EIF5B: variants seen among roughly 807,000 people sequenced by gnomAD.
EIF5B encodes the protein eukaryotic translation initiation factor 5B.
EIF5B carries 47 observed loss-of-function variants against 147.5 expected under a neutral mutation model. The ratio of observed to expected loss-of-function variants is 0.32; its 90% CI spans 0.25 to 0.41. The LOEUF is 0.41. EIF5B is among the 10% of genes least tolerant of loss of function. The pLI, the probability that EIF5B is intolerant of heterozygous loss-of-function variation, is 1.00. For synonymous variants in EIF5B, 455 were observed against 456.2 expected, an observed-to-expected ratio of 1.00 and a Z score of 0.03; for missense variants, 1,064 against 1,413.2, an observed-to-expected ratio of 0.75 and a Z score of 3.96.
At chr2:99,384,176 G>T (rs1674749991) in intron 14 of EIF5B, among the ~76,000 whole-genome samples, 1 of 124,598 alleles carries the variant, frequency 8.0e-6, no homozygotes, top group South Asian at 2.5e-4. Flanking sequence ...CAGCCTGGGT[G>T]ACAGAGCGAG....
At chr2:99,351,811 C>T (rs72956317) in intron 1 of EIF5B, among the ~76,000 whole-genome samples, 22,363 of 152,052 alleles carry the variant, frequency 0.15, 1,803 homozygotes, top group East Asian at 0.26. Flanking sequence ...AATTCTCTTG[C>T]CTCAGCCTCC....
intron 9 of EIF5B, among the ~76,000 whole-genome samples, chr2:99,375,981 A>T (rs753919697): frequency 5.1e-4 from 78 of 152,344 alleles, no homozygotes; most frequent in Non-Finnish European, 2.5e-4. Context: ...CAAATATTCC[A>T]AATTTTAAAA....
chr2:99,358,553 G>T (rs1674141921), intron 1 of EIF5B, among the ~76,000 whole-genome samples: 1 of 152,110 alleles, frequency 6.6e-6, no homozygotes. Context: ...ACAATCACCT[G>T]GAAATATTGT....
Position 99,399,259 on chromosome 2 carries a change from C to T in EIF5B, c.3556-48C>T, listed in dbSNP as rs774000851. 15 of 1,569,480 alleles carry T rather than the reference C, an allele frequency of 9.6e-6. No individual in the cohort carries two copies. In the East Asian group the frequency reaches 3.2e-4, roughly 33 times the overall value. On this transcript the variant is annotated intron_variant, in intron 23 of 23. Coordinates refer to ENST00000289371, the MANE Select transcript of EIF5B (RefSeq NM_015904.4). ...CATCTGGGGCCACAGCTTTCTTTGGCACGTTTGTTATGTTCTGTTTACCCT... is the reference window on the plus strand; with the variant it reads ...CATCTGGGGCCACAGCTTTCTTTGGTACGTTTGTTATGTTCTGTTTACCCT...
At position 99,355,491 on chromosome 2, in the gene EIF5B, A is replaced by G. The variant is rs1674075370; in HGVS notation, c.36-4745A>G. Among the ~76,000 whole-genome samples, 3 of 151,854 alleles carry G rather than the reference A, an allele frequency of 2.0e-5. No individual in the cohort carries two copies. The South Asian group carries it at 6.2e-4, about 31-fold the overall frequency. On this transcript the variant is annotated intron_variant, in intron 1 of 23. Coordinates refer to ENST00000289371, the MANE Select transcript of EIF5B (RefSeq NM_015904.4). ...ATAAGCATTTTGTAATTTTCCACAT[A>G]TAAGTACTTTACATATTTTGTTAGA...
chr2:99,394,695 C>G (rs1675008124), intron 20 of EIF5B, 24 bp from the exon 21 acceptor site: 4 of 1,610,356 alleles, frequency 2.5e-6, no homozygotes, highest in Non-Finnish European at 3.4e-6. Flanking sequence ...ACTGAATGGT[C>G]TTTGATGTGT....
rs755667836 is a variant in EIF5B at position 99,341,262 on chromosome 2, C to T, written c.35+3673C>T. ...TACTTGCATATATTTGAATGAAACT[C>T]TTGTCTGCATAAATTACATCAAAAA... On this transcript the variant is annotated intron_variant, in intron 1 of 23. Transcript: ENST00000289371. 2.0e-5 allele frequency among the ~76,000 whole-genome samples: 3 copies of T among 152,152 alleles called. No individual in the cohort carries two copies. In the South Asian group the frequency reaches 6.2e-4, roughly 31 times the overall value.
chr2:99,394,035 A>C lies in EIF5B; in HGVS notation c.2881-232A>C, dbSNP rs931364759. On this transcript the variant is annotated intron_variant, in intron 18 of 23. Transcript: ENST00000289371. ...TTGCCAAGTGGAGCGGAGATTAAAC[A>C]TATTTCAAAGTTAGTAAACCTAAGA... 2.6e-5 allele frequency among the ~76,000 whole-genome samples: 4 copies of C among 152,212 alleles called. No individual in the cohort carries two copies. In the East Asian group the frequency reaches 5.8e-4, roughly 22 times the overall value.
At chr2:99,396,199 G>A (rs991048790) in intron 21 of EIF5B, among the ~76,000 whole-genome samples, 6 of 152,192 alleles carry the variant, frequency 3.9e-5, no homozygotes, top group Non-Finnish European at 8.8e-5. Flanking sequence ...CCTGAAGTGA[G>A]AAGAATTCTA....
intron 7 of EIF5B, among the ~76,000 whole-genome samples, chr2:99,369,027 C>T (rs550911759): frequency 2.5e-4 from 38 of 152,328 alleles, no homozygotes; most frequent in African/African-American, 9.1e-4. Context: ...AATCCCAGCA[C>T]GCTGGGAGGC....
chr2:99,389,909 T>C, intron 15 of EIF5B, 60 bp downstream of exon 15: 1 of 1,519,878 alleles, frequency 6.6e-7, no homozygotes, highest in East Asian at 2.3e-5. Context: ...ATATTATCTT[T>C]ATAATGAAGT....
intron 1 of EIF5B, among the ~76,000 whole-genome samples, chr2:99,353,507 T>C (rs1674025611): frequency 6.6e-6 from 1 of 152,252 alleles, no homozygotes; most frequent in South Asian, 2.1e-4. Flanking sequence ...TATTCAGGTT[T>C]GCCGAGTTTC....
At position 99,366,146 on chromosome 2, in the gene EIF5B, C is replaced by A. The variant is rs183683107; in HGVS notation, c.1288+1725C>A. 3.5e-4 allele frequency among the ~76,000 whole-genome samples: 53 copies of A among 152,250 alleles called. No homozygotes were observed. The East Asian group carries it at 9.6e-3, about 28-fold the overall frequency. ...TAATTTGTAATAAACTCATTTCAGG[C>A]AAAGAGCTTCTTCAAGAACTTGATT... On this transcript the variant is annotated intron_variant, in intron 6 of 23. Coordinates refer to ENST00000289371, the MANE Select transcript of EIF5B (RefSeq NM_015904.4).
intron 14 of EIF5B, 171 bp from the exon 15 acceptor site, chr2:99,389,547 G>A (rs1574939891): frequency 4.5e-6 from 2 of 446,898 alleles, no homozygotes; most frequent in Non-Finnish European, 7.6e-6. Context: ...TAATTTAAGA[G>A]CAGGTGCCGA....
In EIF5B at chr2:99,371,784, G is replaced by T. The variant is rs557736264; in HGVS notation, c.1552+54G>T. The T allele has an allele frequency of 6.8e-6, 10 of 1,465,840 alleles. No individual in the cohort carries two copies. The African/African-American group carries it at 1.4e-4, about 21-fold the overall frequency. 90.8% of individuals were successfully genotyped at this position (1,465,840 alleles called of 1,614,324 possible). A position where few individuals can be genotyped will look rare whatever the true frequency, so the allele number is the denominator to read the frequency against. On this transcript the variant is annotated intron_variant, in intron 9 of 23. Transcript: ENST00000289371. ...CATCCAGTGGTTATTAGAAATGAAT[G>T]ATATATATTTAAATGAATAGTCTTT...
At position 99,390,249 on chromosome 2, in the gene EIF5B, A is replaced by G; in HGVS notation, c.2434A>G (p.Lys812Glu). ...GAATGCTGCTTTGTTTTATGAGAATAAAGATCCCCGCACTTTTGTGTCTTT... is the reference window on the plus strand; with the variant it reads ...GAATGCTGCTTTGTTTTATGAGAATGAAGATCCCCGCACTTTTGTGTCTTT... The part of the protein sequence containing the change: ...GLNAALFYEN[K>E]DPRTFVSLVP... The change falls in exon 16 of 24, where the codon AAA (lysine) becomes GAA (glutamate). Residue 812 changes from lysine (K) to glutamate (E), a missense_variant. Lys to Glu is a moderately conservative substitution (Grantham distance 56, BLOSUM62 1). Coordinates refer to ENST00000289371, the MANE Select transcript of EIF5B (RefSeq NM_015904.4). 2 of 1,614,060 alleles carry G rather than the reference A, an allele frequency of 1.2e-6. No individual in the cohort carries two copies. Among genetic ancestry groups the G allele is most frequent in the Non-Finnish European group, 1.7e-6 (2 of 1,179,992 alleles).
At chr2:99,392,508 C>T (rs1003314303) in intron 17 of EIF5B, among the ~76,000 whole-genome samples, 1 of 152,186 alleles carries the variant, frequency 6.6e-6, no homozygotes, top group Non-Finnish European at 1.5e-5. Context: ...CATTGTTTTA[C>T]AGCTTCATCA....
Position 99,382,137 on chromosome 2 carries a change from A to G in EIF5B, c.2062-22A>G, listed in dbSNP as rs1674703871. 2.5e-6 allele frequency: 4 copies of G among 1,607,132 alleles called. No individual in the cohort carries two copies. In the African/African-American group the frequency reaches 4.0e-5, roughly 16 times the overall value. ...TCATGTCTGACTTTCTTAAACTTTG[A>G]ACTTTTCCCCATTGTTTCTAGTTTG... On this transcript the variant is annotated intron_variant, in intron 12 of 23. Coordinates refer to ENST00000289371, the MANE Select transcript of EIF5B (RefSeq NM_015904.4).
chr2:99,369,267 C>G (rs991575689), intron 7 of EIF5B, 125 bp from the exon 8 acceptor site: 31 of 568,696 alleles, frequency 5.5e-5, no homozygotes, highest in African/African-American at 5.3e-4. Context: ...GAGCGAGACT[C>G]CATTTCAAAA....
Sources: gnomAD v4.1 joint callset for allele counts (sites outside exome capture counted in the v4.1 genomes callset) on GRCh38, gnomAD v4.1.1 for gene constraint, MANE v1.5 for transcripts, NCBI Gene and HGNC (gene_info 2026-07-23, HGNC 2026-07-21) for gene names.